The following NAALADL2 variants were observed in gnomAD, a reference collection of about 807,000 sequenced individuals.
The protein encoded by NAALADL2 is inactive N-acetylated-alpha-linked acidic dipeptidase-like protein 2.
Under a neutral mutation model 87.2 loss-of-function variants are expected in NAALADL2, and 76 were observed. That is an observed-to-expected ratio of 0.87 (90% CI 0.72 to 1.05). NAALADL2 has a LOEUF of 1.05. NAALADL2 is among the 50% of genes least tolerant of loss of function. The probability of loss-of-function intolerance (pLI) is 0.00; values close to 1 mark genes in which losing one functional copy is unlikely to be tolerated. For synonymous variants in NAALADL2, 354 were observed against 331.0 expected (o/e 1.07, Z -0.75); for missense variants, 1,089 against 945.8 (o/e 1.15, Z -1.99).
At chr3:175,049,471 T>C (rs796879596) in intron 1 of NAALADL2, among the ~76,000 whole-genome samples, 6 of 152,308 alleles carry the variant, frequency 3.9e-5, no homozygotes, top group African/African-American at 1.4e-4. Context: ...CGCAGACTTT[T>C]CTAAGCCAGG....
At chr3:175,284,774 A>T (rs551780177) in intron 4 of NAALADL2, among the ~76,000 whole-genome samples, 2 of 152,102 alleles carry the variant, frequency 1.3e-5, no homozygotes, top group Non-Finnish European at 2.9e-5. Context: ...GGACTAACTC[A>T]GTTGTCCTTG....
At position 174,585,074 on chromosome 3, in the gene NAALADL2, A is replaced by T. The variant is rs562131240; in HGVS notation, c.-115+34437A>T. On this transcript the variant is annotated intron_variant, in intron 2 of 3. Transcript: ENST00000434257. ...TTATCTGTATATATAAGAATAACACATATTCTGAAATTGGCTGTTACTCAG... is the reference window on the plus strand; with the variant it reads ...TTATCTGTATATATAAGAATAACACTTATTCTGAAATTGGCTGTTACTCAG... Among the ~76,000 whole-genome samples, 80 of 152,202 alleles carry T rather than the reference A, an allele frequency of 5.3e-4. 1 individual carries two copies. Among genetic ancestry groups the T allele is most frequent in the Non-Finnish European group, 1.1e-3 (73 of 67,986 alleles).
In NAALADL2 at chr3:174,774,931, T is replaced by G. The variant is rs182192624; in HGVS notation, c.-9+37185T>G. Among the ~76,000 whole-genome samples the G allele has an allele frequency of 1.8e-3, 275 of 152,262 alleles. 2 individuals carry two copies. The highest frequency in any genetic ancestry group is 6.2e-3 in the African/African-American group (256 of 41,568). The stretch of plus-strand genomic sequence containing the variant: ...ATGATTTTACATACTTGGCTGTTGG[T>G]TTTTACTTCAGTTCTCACAAACGGA... On this transcript the variant is annotated intron_variant, in intron 3 of 3. Transcript: ENST00000434257.
At chr3:175,761,489 T>TA (rs1748002504) in intron 13 of NAALADL2, among the ~76,000 whole-genome samples, 1 of 152,244 alleles carries the variant, frequency 6.6e-6, no homozygotes. Context: ...TTTGTGGACA[T>TA]ACATTTCAAT....
chr3:175,046,487 C>T (rs1754686321), intron 1 of NAALADL2, among the ~76,000 whole-genome samples: 1 of 152,110 alleles, frequency 6.6e-6, no homozygotes, highest in Admixed American at 6.6e-5. Flanking sequence ...TCTGGTTTAT[C>T]TAAGCACAAG....
At chr3:174,550,947 C>G (rs532302860) in intron 2 of NAALADL2, 2 of 151,924 alleles carry the variant, frequency 1.3e-5, no homozygotes, top group South Asian at 4.2e-4. Context: ...TAAAAACATG[C>G]CTTGAATAGT....
At chr3:174,764,600 C>G (rs879563986) in intron 3 of NAALADL2, among the ~76,000 whole-genome samples, 24 of 152,176 alleles carry the variant, frequency 1.6e-4, no homozygotes, top group Non-Finnish European at 3.1e-4. Flanking sequence ...CAGAGCGACA[C>G]TCTGTCTCAA....
chr3:174,714,675 T>C (rs2108928899), intron 2 of NAALADL2, among the ~76,000 whole-genome samples: 1 of 152,346 alleles, frequency 6.6e-6, no homozygotes, highest in Non-Finnish European at 1.5e-5. Flanking sequence ...TGAAGTTGCT[T>C]ATCAGCTTAA....
intron 13 of NAALADL2, among the ~76,000 whole-genome samples, chr3:175,791,400 T>C (rs992185143): frequency 3.9e-5 from 6 of 152,122 alleles, no homozygotes; most frequent in African/African-American, 1.2e-4. Context: ...ATATTTGTAT[T>C]TGAGCTAGGG....
At chr3:174,954,001 C>A (rs573165347) in intron 1 of NAALADL2, among the ~76,000 whole-genome samples, 2 of 152,070 alleles carry the variant, frequency 1.3e-5, no homozygotes, top group East Asian at 1.9e-4. Context: ...AGAAAAACTT[C>A]CAGGTACATT....
At chr3:175,724,803 T>C (rs2150044589) in intron 11 of NAALADL2, among the ~76,000 whole-genome samples, 1 of 152,170 alleles carries the variant, frequency 6.6e-6, no homozygotes, top group South Asian at 2.1e-4. Flanking sequence ...GAAACAATAT[T>C]CCAAGATAAT....
chr3:175,743,939 A>T (rs746345964), intron 12 of NAALADL2, among the ~76,000 whole-genome samples: 1 of 152,180 alleles, frequency 6.6e-6, no homozygotes, highest in African/African-American at 2.4e-5. Context: ...AAGAGTGAGT[A>T]ATGATGAGTC....
In NAALADL2 at chr3:175,602,153, C is replaced by T. The variant is rs140741150; in HGVS notation, c.1801-25138C>T. 3.4e-4 allele frequency among the ~76,000 whole-genome samples: 51 copies of T among 152,042 alleles called. No homozygotes were observed. In the East Asian group the frequency reaches 8.9e-3, roughly 27 times the overall value. On this transcript the variant is annotated intron_variant, in intron 10 of 13. Transcript: ENST00000454872. The stretch of plus-strand genomic sequence containing the variant: ...GTGAATTTGAAAGTCTTCTTATCTA[C>T]GTATTGTAACTATTGATAGAAGAGT...
chr3:174,698,343 C>G lies in NAALADL2; in HGVS notation c.-114-39298C>G, dbSNP rs573457492. Reference sequence around the variant, plus strand: ...ATGCTGTTTTAATTTTACCCTAATTCTTGAAAGATAATTTTACTGGTTCTA... The same window carrying G: ...ATGCTGTTTTAATTTTACCCTAATTGTTGAAAGATAATTTTACTGGTTCTA... On this transcript the variant is annotated intron_variant, in intron 2 of 3. Transcript: ENST00000434257. Among the ~76,000 whole-genome samples, 3 of 151,942 alleles carry G rather than the reference C, an allele frequency of 2.0e-5. No homozygotes were observed. The South Asian group carries it at 6.2e-4, about 31-fold the overall frequency.
chr3:174,686,922 A>G (rs980374296), intron 2 of NAALADL2, among the ~76,000 whole-genome samples: 2 of 152,184 alleles, frequency 1.3e-5, no homozygotes, highest in African/African-American at 4.8e-5. Context: ...AACAAAAGCA[A>G]TTGCAACAAA....
chr3:174,696,593 TAAAA>T (rs62946360), intron 2 of NAALADL2, among the ~76,000 whole-genome samples: 1,656 of 110,494 alleles, frequency 0.015, 38 homozygotes, highest in African/African-American at 0.041. Flanking sequence ...TGTAGTTATC[TAAAA>T]AAAAAAAAAA....
At chr3:175,000,088 T>A (rs1748030065) in intron 1 of NAALADL2, among the ~76,000 whole-genome samples, 1 of 152,184 alleles carries the variant, frequency 6.6e-6, no homozygotes, top group Non-Finnish European at 1.5e-5. Context: ...AAAATATAAA[T>A]AAACTTCAGC....
At chr3:174,452,360 C>G in intron 1 of NAALADL2, among the ~76,000 whole-genome samples, 1 of 152,198 alleles carries the variant, frequency 6.6e-6, no homozygotes. Context: ...TGAACACCCA[C>G]ATGGAGTCAG....
intron 1 of NAALADL2, among the ~76,000 whole-genome samples, chr3:175,034,251 G>T (rs886770082): frequency 3.3e-5 from 5 of 152,052 alleles, no homozygotes; most frequent in Admixed American, 2.6e-4. Flanking sequence ...AAAAAGCTTG[G>T]TAAACTCTAG....
Sources: gnomAD v4.1 joint callset for allele counts (sites outside exome capture counted in the v4.1 genomes callset) on GRCh38, gnomAD v4.1.1 for gene constraint, MANE v1.5 for transcripts, NCBI Gene and HGNC (gene_info 2026-07-23, HGNC 2026-07-21) for gene names.